DCBLD2: variants seen among roughly 807,000 people sequenced by gnomAD.
The protein encoded by DCBLD2 is discoidin, CUB and LCCL domain containing 2.
A neutral mutation model predicts 86.8 loss-of-function variants in DCBLD2; 54 were observed. The observed-to-expected ratio is 0.62, with a 90% CI of 0.50 to 0.78. The LOEUF (loss-of-function observed/expected upper bound fraction) is 0.78. DCBLD2 is among the 30% of genes least tolerant of loss of function. DCBLD2 has a pLI of 0.00. For missense variants in DCBLD2, 908 were observed against 954.2 expected, an observed-to-expected ratio of 0.95 and a Z score of 0.64; for synonymous variants, 354 against 341.3, an observed-to-expected ratio of 1.04 and a Z score of -0.41.
intron 13 of DCBLD2, among the ~76,000 whole-genome samples, chr3:98,803,849 A>G (rs1052007103): frequency 6.6e-6 from 1 of 152,182 alleles, no homozygotes; most frequent in African/African-American, 2.4e-5. Context: ...GATTACGTTT[A>G]TTGATTTGCA....
At chr3:98,859,105 A>G (rs1313072924) in intron 2 of DCBLD2, among the ~76,000 whole-genome samples, 5 of 152,180 alleles carry the variant, frequency 3.3e-5, no homozygotes, top group African/African-American at 1.2e-4. Flanking sequence ...GGAGGGTCCT[A>G]CGCCAACGGA....
intron 2 of DCBLD2, 147 bp downstream of exon 2, chr3:98,881,393 A>G: frequency 1.4e-6 from 1 of 718,998 alleles, no homozygotes; most frequent in Admixed American, 2.8e-5. Context: ...TCTCTTCCCA[A>G]AAGATTCAAA....
chr3:98,811,078 TAC>T, intron 12 of DCBLD2, 114 bp downstream of exon 12: 1 of 1,219,334 alleles, frequency 8.2e-7, no homozygotes, highest in Non-Finnish European at 1.1e-6. Context: ...TTTTTTGCTA[TAC>T]TTAAAAACTA....
rs1196172710 is a variant in DCBLD2 at position 98,812,240 on chromosome 3, C to T, written c.1363+92G>A. On this transcript the variant is annotated intron_variant, in intron 10 of 15. Transcript: ENST00000326840. The stretch of plus-strand genomic sequence containing the variant: ...TAATTAGAGTTTAACCAGAAAGACA[C>T]TCACATTATTAATTACTCTCTCTGA... 12 of 1,478,932 alleles carry T rather than the reference C, an allele frequency of 8.1e-6. No individual in the cohort carries two copies. In the East Asian group the frequency reaches 2.4e-4, roughly 29 times the overall value. The allele number at this position is 1,478,932 out of a possible 1,614,324, so 91.6% of individuals were successfully genotyped here. A position where few individuals can be genotyped will look rare whatever the true frequency, so the allele number is the denominator to read the frequency against.
chr3:98,807,006 A>C (rs1308329527), intron 13 of DCBLD2, among the ~76,000 whole-genome samples: 2 of 152,056 alleles, frequency 1.3e-5, no homozygotes, highest in African/African-American at 4.8e-5. Flanking sequence ...CTACCCTTCA[A>C]AACTGCCACC....
At chr3:98,844,359 T>TTATTATTATTA (rs1942681619) in intron 3 of DCBLD2, among the ~76,000 whole-genome samples, 1 of 149,966 alleles carries the variant, frequency 6.7e-6, no homozygotes, top group South Asian at 2.1e-4. Flanking sequence ...ATTATTATTA[T>TTATTATTATTA]TATTATTATT....
At chr3:98,848,103 T>C (rs564204573) in intron 3 of DCBLD2, among the ~76,000 whole-genome samples, 14 of 152,336 alleles carry the variant, frequency 9.2e-5, no homozygotes, top group African/African-American at 3.4e-4. Context: ...CCATTAGTTA[T>C]TTTTCCTGAT....
chr3:98,864,128 G>T (rs534499567), intron 2 of DCBLD2, among the ~76,000 whole-genome samples: 1 of 152,312 alleles, frequency 6.6e-6, no homozygotes, highest in South Asian at 2.1e-4. Flanking sequence ...GGCCATCAGA[G>T]AAATGCAAAT....
At chr3:98,884,996 T>C (rs1049713087) in intron 1 of DCBLD2, among the ~76,000 whole-genome samples, 6 of 152,296 alleles carry the variant, frequency 3.9e-5, no homozygotes, top group Admixed American at 2.0e-4. Flanking sequence ...CACGAACATT[T>C]ACTGCCCTTT....
Position 98,901,381 on chromosome 3 carries a change from C to T in DCBLD2, c.-55G>A, listed in dbSNP as rs1368017850. Reference sequence around the variant, plus strand: ...GCGGGTGCCTCGGCAGCCCCGCGCGCCTCTGGCCGCGGCACCCGACCAGGA... The same window carrying T: ...GCGGGTGCCTCGGCAGCCCCGCGCGTCTCTGGCCGCGGCACCCGACCAGGA... On this transcript the variant is annotated 5_prime_UTR_variant, in exon 1 of 16. Coordinates refer to ENST00000326840, the MANE Select transcript of DCBLD2 (RefSeq NM_080927.4). 8 of 1,265,654 alleles carry T rather than the reference C, an allele frequency of 6.3e-6. No individual in the cohort carries two copies. Among genetic ancestry groups the T allele is most frequent in the East Asian group, 3.3e-5 (1 of 30,690 alleles). 78.4% of individuals were successfully genotyped at this position (1,265,654 alleles called of 1,614,324 possible). A position where few individuals can be genotyped will look rare whatever the true frequency, so the allele number is the denominator to read the frequency against.
rs60659792 is a variant in DCBLD2 at position 98,885,155 on chromosome 3, C to G, written c.206-3388G>C. Among the ~76,000 whole-genome samples, 966 of 151,936 alleles carry G rather than the reference C, an allele frequency of 6.4e-3. 55 individuals carry two copies. The East Asian group carries it at 0.16, about 25-fold the overall frequency. On this transcript the variant is annotated intron_variant, in intron 1 of 15. Transcript: ENST00000326840. Reference sequence around the variant, plus strand: ...GTAGGGGGAGGGCAGGAACAGTCCACAAGTAACGTGCCAAGAATGTTCTAA... The same window carrying G: ...GTAGGGGGAGGGCAGGAACAGTCCAGAAGTAACGTGCCAAGAATGTTCTAA...
chr3:98,803,129 T>A (rs1941761395), intron 13 of DCBLD2, among the ~76,000 whole-genome samples: 1 of 152,232 alleles, frequency 6.6e-6, no homozygotes, highest in Non-Finnish European at 1.5e-5. Context: ...ATCTATAAAT[T>A]ACCTTGGGCA....
At chr3:98,844,025 A>ATCAT (rs1942670813) in intron 3 of DCBLD2, among the ~76,000 whole-genome samples, 1 of 47,954 alleles carries the variant, frequency 2.1e-5, no homozygotes, top group Non-Finnish European at 4.5e-5. Flanking sequence ...CCACTTTCCA[A>ATCAT]TCATGCATGC....
intron 1 of DCBLD2, among the ~76,000 whole-genome samples, chr3:98,898,126 A>C (rs1480299987): frequency 6.6e-6 from 1 of 152,090 alleles, no homozygotes; most frequent in Non-Finnish European, 1.5e-5. Context: ...AAACATCAAC[A>C]TAATAAATAG....
chr3:98,848,038 G>A (rs565534952), intron 3 of DCBLD2, among the ~76,000 whole-genome samples: 11 of 152,100 alleles, frequency 7.2e-5, no homozygotes, highest in Non-Finnish European at 1.0e-4. Context: ...GTAAGCTTGC[G>A]TCATGGGGGC....
intron 14 of DCBLD2, chr3:98,801,315 G>T: frequency 2.7e-6 from 1 of 372,840 alleles, no homozygotes; most frequent in South Asian, 8.8e-5. Flanking sequence ...ACAGAAAGCC[G>T]GTCTCCTCAT....
intron 13 of DCBLD2, among the ~76,000 whole-genome samples, chr3:98,804,526 T>A (rs937388822): frequency 6.6e-6 from 1 of 152,166 alleles, no homozygotes; most frequent in Non-Finnish European, 1.5e-5. Context: ...TTTTGAAGGG[T>A]TTTTTGTCTC....
At chr3:98,819,117 AT>A (rs1165629352) in intron 8 of DCBLD2, 84 bp downstream of exon 8, 1 of 1,325,318 alleles carries the variant, frequency 7.5e-7, no homozygotes, top group Non-Finnish European at 1.0e-6. Context: ...TAATGCCTTA[AT>A]TTTCTCTGAA....
intron 2 of DCBLD2, among the ~76,000 whole-genome samples, chr3:98,853,452 C>T (rs1046709073): frequency 6.6e-6 from 1 of 152,214 alleles, no homozygotes; most frequent in Admixed American, 6.5e-5. Context: ...GCCACCAGTC[C>T]TGAAGCTCAG....
Sources: gnomAD v4.1 joint callset for allele counts (sites outside exome capture counted in the v4.1 genomes callset) on GRCh38, gnomAD v4.1.1 for gene constraint, MANE v1.5 for transcripts, NCBI Gene and HGNC (gene_info 2026-07-23, HGNC 2026-07-21) for gene names.